Variants in TMEM117 observed in about 807,000 individuals in gnomAD.
TMEM117 encodes the protein transmembrane protein 117.
Under a neutral mutation model 52.4 loss-of-function variants are expected in TMEM117, and 27 were observed. The observed-to-expected ratio is 0.51, with a 90% confidence interval of 0.38 to 0.71. TMEM117 has a LOEUF of 0.71. Ranked by LOEUF, TMEM117 falls within the 30% of genes least tolerant of loss-of-function variation. The probability of loss-of-function intolerance (pLI) is 0.00; values close to 1 mark genes in which losing one functional copy is unlikely to be tolerated. For missense variants in TMEM117, 556 were observed against 630.5 expected, an observed-to-expected ratio of 0.88 and a Z score of 1.26; for synonymous variants, 215 against 206.3, an observed-to-expected ratio of 1.04 and a Z score of -0.36.
intron 3 of TMEM117, among the ~76,000 whole-genome samples, chr12:44,068,540 C>CT (rs1947255657): frequency 6.6e-6 from 1 of 151,938 alleles, no homozygotes; most frequent in African/African-American, 2.4e-5. Context: ...ATTGGAAGAC[C>CT]TGAGGAGAGA....
chr12:44,169,490 ATCTT>A (rs1223735120), intron 4 of TMEM117, among the ~76,000 whole-genome samples: 1 of 152,022 alleles, frequency 6.6e-6, no homozygotes, highest in African/African-American at 2.4e-5. Flanking sequence ...CCATCTGTTT[ATCTT>A]TTGGGTATAT....
intron 4 of TMEM117, among the ~76,000 whole-genome samples, chr12:44,155,089 C>G (rs1228139765): frequency 6.6e-6 from 1 of 151,996 alleles, no homozygotes; most frequent in Non-Finnish European, 1.5e-5. Context: ...ATTCAGCCAC[C>G]TTTTTGCAAC....
intron 3 of TMEM117, among the ~76,000 whole-genome samples, chr12:44,043,425 C>T (rs1946832001): frequency 6.6e-6 from 1 of 152,118 alleles, no homozygotes; most frequent in Non-Finnish European, 1.5e-5. Flanking sequence ...GGAATGGGGA[C>T]ATGTGGGAGG....
At chr12:44,334,619 T>A (rs1467752170) in intron 6 of TMEM117, among the ~76,000 whole-genome samples, 1 of 152,002 alleles carries the variant, frequency 6.6e-6, no homozygotes, top group Non-Finnish European at 1.5e-5. Flanking sequence ...GCATGATTAC[T>A]TAAGGTTTGG....
intron 3 of TMEM117, among the ~76,000 whole-genome samples, chr12:44,005,766 C>G (rs1203143403): frequency 2.0e-5 from 3 of 152,022 alleles, no homozygotes; most frequent in African/African-American, 4.8e-5. Flanking sequence ...CAGGAGAGAC[C>G]CAGTGGAAGG....
At chr12:44,129,232 TCCTACACATA>T (rs1948375718) in intron 3 of TMEM117, among the ~76,000 whole-genome samples, 1 of 152,220 alleles carries the variant, frequency 6.6e-6, no homozygotes, top group Non-Finnish European at 1.5e-5. Context: ...AAAACAGCTC[TCCTACACATA>T]CCCTTTAGTG....
chr12:44,358,356 G>GA (rs1391744977), intron 6 of TMEM117, among the ~76,000 whole-genome samples: 2 of 151,926 alleles, frequency 1.3e-5, no homozygotes, highest in African/African-American at 4.8e-5. Context: ...AAATAAAATT[G>GA]AAAAAAATGA....
At chr12:44,221,283 C>T (rs115882042) in intron 5 of TMEM117, among the ~76,000 whole-genome samples, 1,526 of 152,108 alleles carry the variant, frequency 0.01, 10 homozygotes, top group African/African-American at 0.016. Flanking sequence ...AAGAGAAGGC[C>T]ATCTAAGGGG....
At chr12:43,995,512 A>G (rs1392853796) in intron 3 of TMEM117, among the ~76,000 whole-genome samples, 1 of 152,178 alleles carries the variant, frequency 6.6e-6, no homozygotes, top group Non-Finnish European at 1.5e-5. Context: ...ATCGCTAGTG[A>G]TTACTTGTCT....
chr12:43,844,650 G>A lies in TMEM117; in HGVS notation c.-2G>A. On this transcript the variant is annotated 5_prime_UTR_variant, in exon 2 of 8. Coordinates refer to ENST00000266534, the MANE Select transcript of TMEM117 (RefSeq NM_032256.3). The stretch of plus-strand genomic sequence containing the variant: ...TAAACTACGAACTGGGAGTTCTGAA[G>A]AATGGGTAAAGACTTTCGTTACTAT... 1 of 1,611,854 alleles carries A rather than the reference G, an allele frequency of 6.2e-7. No homozygotes were observed. The highest frequency in any genetic ancestry group is 1.3e-5 in the African/African-American group (1 of 74,804).
At chr12:44,374,030 C>T (rs565711374) in intron 6 of TMEM117, among the ~76,000 whole-genome samples, 11 of 152,060 alleles carry the variant, frequency 7.2e-5, no homozygotes, top group African/African-American at 1.7e-4. Context: ...AATCTGCCCA[C>T]CTCTGTCTCC....
intron 5 of TMEM117, among the ~76,000 whole-genome samples, chr12:44,258,231 C>A (rs1262701966): frequency 6.6e-6 from 1 of 151,174 alleles, no homozygotes; most frequent in Non-Finnish European, 1.5e-5. Context: ...GCATAAATGA[C>A]CTCCCTGTTC....
chr12:44,387,282 C>A (rs1335168988), intron 7 of TMEM117, among the ~76,000 whole-genome samples: 2 of 151,122 alleles, frequency 1.3e-5, no homozygotes, highest in Non-Finnish European at 3.0e-5. Context: ...TTTCCATTTG[C>A]AAATGTAAAA....
At chr12:44,062,846 G>A (rs931310764) in intron 3 of TMEM117, among the ~76,000 whole-genome samples, 4 of 152,222 alleles carry the variant, frequency 2.6e-5, no homozygotes, top group African/African-American at 4.8e-5. Context: ...AACTGCAAGT[G>A]ATCACTGAAA....
intron 3 of TMEM117, among the ~76,000 whole-genome samples, chr12:44,091,443 G>T (rs1947669966): frequency 6.6e-6 from 1 of 152,126 alleles, no homozygotes; most frequent in East Asian, 1.9e-4. Flanking sequence ...ACCATAGGTT[G>T]GGCTCCTGAT....
In TMEM117 at chr12:43,845,624, T is replaced by C. The variant is rs181371592; in HGVS notation, c.277+696T>C. On this transcript the variant is annotated intron_variant, in intron 2 of 7. Coordinates refer to ENST00000266534, the MANE Select transcript of TMEM117 (RefSeq NM_032256.3). ...TTGTTACATAGGTATACATGTGCCA[T>C]GTTGGTTTGCTGCACCCGTTAACTC... Among the ~76,000 whole-genome samples the C allele has an allele frequency of 7.9e-5, 12 of 152,234 alleles. No homozygotes were observed. The East Asian group carries it at 2.3e-3, about 29-fold the overall frequency.
intron 2 of TMEM117, among the ~76,000 whole-genome samples, chr12:43,868,411 G>A (rs997617771): frequency 1.2e-4 from 18 of 151,998 alleles, no homozygotes; most frequent in Admixed American, 5.2e-4. Context: ...AAAAAGCCAG[G>A]CATGGTGGCC....
chr12:43,834,998 G>A (rs1243545795), upstream of TMEM117, among the ~76,000 whole-genome samples: 1 of 152,170 alleles, frequency 6.6e-6, no homozygotes, highest in South Asian at 2.1e-4. Context: ...CAGTACAGGG[G>A]AGGGCCTAGC....
intron 2 of TMEM117, among the ~76,000 whole-genome samples, chr12:43,861,310 G>A (rs1224510842): frequency 6.6e-6 from 1 of 152,172 alleles, no homozygotes; most frequent in Admixed American, 6.5e-5. Flanking sequence ...ATGTCGGGGA[G>A]GGGGTTGTAG....
Sources: gnomAD v4.1 joint callset for allele counts (sites outside exome capture counted in the v4.1 genomes callset) on GRCh38, gnomAD v4.1.1 for gene constraint, MANE v1.5 for transcripts, NCBI Gene and HGNC (gene_info 2026-07-23, HGNC 2026-07-21) for gene names.